PHF3: variants seen among roughly 807,000 people sequenced by gnomAD.
PHF3 encodes the protein PHD finger protein 3.
PHF3 carries 41 observed loss-of-function variants against 178.4 expected under a neutral mutation model. The ratio of observed to expected loss-of-function variants is 0.23; its 90% CI spans 0.18 to 0.30. The LOEUF (loss-of-function observed/expected upper bound fraction) is 0.30, where lower values mean the gene tolerates loss of function less well. Among genes scored for constraint, PHF3 ranks in the 10% least tolerant of loss-of-function variants. The pLI is 1.00. For missense variants in PHF3, 2,346 were observed against 2,398.1 expected (o/e 0.98, Z 0.45); for synonymous variants, 842 against 800.5 (o/e 1.05, Z -0.88).
Position 63,721,058 on chromosome 6 carries a change from T to G in PHF3, c.*7350T>G, listed in dbSNP as rs1768364057. On this transcript the variant is annotated 3_prime_UTR_variant, in exon 16 of 16. Transcript: ENST00000262043. ...TTCCCATCCATACAATTAGACCTTC[T>G]GTTTTAGTGGTACTGAAATTTAAGG... The G allele has an allele frequency of 6.4e-7, 1 of 1,551,298 alleles. No homozygotes were observed. Among genetic ancestry groups the G allele is most frequent in the Non-Finnish European group, 8.7e-7 (1 of 1,146,842 alleles).
At chr6:63,683,312 T>A (rs1371631752) in intron 3 of PHF3, among the ~76,000 whole-genome samples, 3 of 152,128 alleles carry the variant, frequency 2.0e-5, no homozygotes, top group African/African-American at 7.2e-5. Context: ...TTGTACTTAC[T>A]GAATTATTTA....
At chr6:63,651,319 G>A (rs1582006868) in intron 2 of PHF3, among the ~76,000 whole-genome samples, 2 of 152,004 alleles carry the variant, frequency 1.3e-5, no homozygotes, top group East Asian at 3.9e-4. Context: ...TAGTGTTAAT[G>A]GAGTACTAGA....
chr6:63,693,697 G>T (rs1767106405), intron 5 of PHF3, among the ~76,000 whole-genome samples: 2 of 152,220 alleles, frequency 1.3e-5, no homozygotes, highest in Non-Finnish European at 2.9e-5. Flanking sequence ...AAAAGAATCT[G>T]AGGTGAGTCT....
chr6:63,712,290 T>G lies in PHF3; in HGVS notation c.4702T>G (p.Ser1568Ala), dbSNP rs1767978141. The change falls in exon 16 of 16, where the codon TCT (serine) becomes GCT (alanine). Residue 1568 changes from serine (S) to alanine (A), a missense_variant. Physicochemically the swap from Ser to Ala is moderately conservative, Grantham distance 99. This residue lies in a region of PHF3 where 839 missense variants were observed against 806.9 expected (regional missense o/e 1.04). Coordinates refer to ENST00000262043, the MANE Select transcript of PHF3 (RefSeq NM_001370348.2). ...TCTCAGAGGTAAGCCACCAGATGTT[T>G]CTACAGAAGCATTTTTAACAAATTT... Reference protein sequence around the residue: ...LSLRGKPPDVSTEAFLTNLSI... With the variant: ...LSLRGKPPDVATEAFLTNLSI... 1.9e-6 allele frequency: 3 copies of G among 1,613,644 alleles called. No homozygotes were observed. Among genetic ancestry groups the G allele is most frequent in the Non-Finnish European group, 1.7e-6 (2 of 1,179,874 alleles).
chr6:63,646,414 T>G (rs1204004350), intron 1 of PHF3, 113 bp from the exon 2 acceptor site: 6 of 630,730 alleles, frequency 9.5e-6, no homozygotes, highest in Non-Finnish European at 1.5e-5. Flanking sequence ...AAACAACAAT[T>G]CAGAAATACC....
rs1454679493 is a variant in PHF3, at chr6:63,721,221, C to T, written c.*7513C>T. 6.4e-7 allele frequency: 1 copy of T among 1,551,708 alleles called. No homozygotes were observed. The highest frequency in any genetic ancestry group is 8.7e-7 in the Non-Finnish European group (1 of 1,146,930). ...TCCCACCCAACCCAAAGTACACAGG[C>T]AACTGTAAGAAAATGATTGGTCAGG... On this transcript the variant is annotated 3_prime_UTR_variant, in exon 16 of 16. Coordinates refer to ENST00000262043, the MANE Select transcript of PHF3 (RefSeq NM_001370348.2).
intron 2 of PHF3, among the ~76,000 whole-genome samples, chr6:63,655,792 A>G (rs545142682): frequency 1.0e-3 from 154 of 152,086 alleles, no homozygotes; most frequent in Admixed American, 2.1e-3. Flanking sequence ...CTGCTGTTCT[A>G]TGTAGATATT....
intron 2 of PHF3, among the ~76,000 whole-genome samples, chr6:63,679,348 G>C (rs1378101032): frequency 6.6e-6 from 1 of 151,954 alleles, no homozygotes; most frequent in East Asian, 1.9e-4. Flanking sequence ...ACATGAGTCT[G>C]TCTCTCTTTT....
chr6:63,699,281 C>A (rs149777421), intron 8 of PHF3, among the ~76,000 whole-genome samples: 1 of 152,152 alleles, frequency 6.6e-6, no homozygotes, highest in East Asian at 1.9e-4. Flanking sequence ...TTTAAAGGTT[C>A]AGAACATGAC....
intron 2 of PHF3, among the ~76,000 whole-genome samples, chr6:63,664,165 C>T (rs933719272): frequency 2.0e-5 from 3 of 152,186 alleles, no homozygotes; most frequent in Admixed American, 6.5e-5. Flanking sequence ...GAGATCAGTA[C>T]CTTTTCCTAG....
At position 63,714,151 on chromosome 6, in the gene PHF3, C is replaced by G. The variant is rs1218441132; in HGVS notation, c.*443C>G. ...TGTTTTTAAAGAAACTGTAGAGGAGCAACAAAAATCCAAGCAACTTCATAA... is the reference window on the plus strand; with the variant it reads ...TGTTTTTAAAGAAACTGTAGAGGAGGAACAAAAATCCAAGCAACTTCATAA... On this transcript the variant is annotated 3_prime_UTR_variant, in exon 16 of 16. Coordinates refer to ENST00000262043, the MANE Select transcript of PHF3 (RefSeq NM_001370348.2). 1.3e-5 allele frequency: 2 copies of G among 153,530 alleles called. No individual in the cohort carries two copies. The highest frequency in any genetic ancestry group is 1.3e-4 in the Admixed American group (2 of 15,292). The allele number at this position is 153,530 out of a possible 1,614,324, so 9.5% of individuals were successfully genotyped here.
At chr6:63,645,283 C>T (rs1370174733) in intron 1 of PHF3, among the ~76,000 whole-genome samples, 3 of 152,238 alleles carry the variant, frequency 2.0e-5, no homozygotes, top group African/African-American at 7.2e-5. Context: ...GAGCTTGAAA[C>T]CCAGGCTAGA....
chr6:63,643,830 A>T (rs937290859), intron 1 of PHF3, among the ~76,000 whole-genome samples: 2 of 152,210 alleles, frequency 1.3e-5, no homozygotes, highest in African/African-American at 4.8e-5. Context: ...ATCGATCTTC[A>T]AGAAATATAT....
intron 4 of PHF3, among the ~76,000 whole-genome samples, chr6:63,688,079 G>A (rs1220329834): frequency 2.6e-5 from 4 of 151,062 alleles, no homozygotes; most frequent in Non-Finnish European, 4.4e-5. Flanking sequence ...AGCTACTTGG[G>A]AGGCTGAGGC....
chr6:63,712,344 G>C lies in PHF3; in HGVS notation c.4756G>C (p.Val1586Leu), dbSNP rs1275397966. ...AATTCAGTCAAAACAAGAGGAAACT[G>C]TGGAGAGTAAAGAGAAAACATTAAA... is the stretch of plus-strand genomic sequence containing the variant. ...LSIQSKQEET[V>L]ESKEKTLKRQ... is the part of the protein sequence containing the mutation. Residue 1586 changes from valine (V) to leucine (L), a missense_variant, in exon 16 of 16, where the codon GTG becomes CTG. By Grantham distance (32) the Val-to-Leu change is conservative. Transcript: ENST00000262043. The C allele has an allele frequency of 1.1e-5, 17 of 1,613,500 alleles. No homozygotes were observed. Among genetic ancestry groups the C allele is most frequent in the Non-Finnish European group, 1.4e-5 (17 of 1,179,870 alleles).
intron 2 of PHF3, among the ~76,000 whole-genome samples, chr6:63,673,449 G>A (rs1017543332): frequency 2.0e-5 from 3 of 151,778 alleles, no homozygotes; most frequent in Non-Finnish European, 4.4e-5. Flanking sequence ...AAAAATCACC[G>A]TTTCTTCTCG....
intron 1 of PHF3, among the ~76,000 whole-genome samples, chr6:63,644,639 GA>G (rs796636824): frequency 7.3e-5 from 11 of 150,878 alleles, no homozygotes; most frequent in East Asian, 3.9e-4. Context: ...TAAATAAATG[GA>G]AAAAAAATGA....
chr6:63,710,319 ACT>A (rs1396071674), intron 14 of PHF3, among the ~76,000 whole-genome samples: 1 of 152,152 alleles, frequency 6.6e-6, no homozygotes, highest in South Asian at 2.1e-4. Flanking sequence ...AGATTTAAAC[ACT>A]CTGTAATAGT....
At chr6:63,677,587 T>G (rs1766225083) in intron 2 of PHF3, among the ~76,000 whole-genome samples, 1 of 152,220 alleles carries the variant, frequency 6.6e-6, no homozygotes, top group African/African-American at 2.4e-5. Flanking sequence ...ATGACTTCAC[T>G]CCCTGTCAAC....
Sources: gnomAD v4.1 joint callset for allele counts (sites outside exome capture counted in the v4.1 genomes callset) on GRCh38, gnomAD v4.1.1 for gene constraint, gnomAD v4.1.1 regional missense constraint, MANE v1.5 for transcripts, NCBI Gene and HGNC (gene_info 2026-07-23, HGNC 2026-07-21) for gene names.